Variants in ESRRA observed in about 807,000 individuals in gnomAD.
ESRRA encodes the protein estrogen related receptor alpha.
ESRRA carries 7 observed loss-of-function variants against 35.6 expected under a neutral mutation model. That is an observed-to-expected ratio of 0.20 (90% CI 0.11 to 0.37). The LOEUF is 0.37. ESRRA is among the 10% of genes least tolerant of loss of function. The probability of loss-of-function intolerance (pLI) is 1.00; values close to 1 mark genes in which losing one functional copy is unlikely to be tolerated. For synonymous variants in ESRRA, 223 were observed against 246.9 expected (o/e 0.90, Z 0.91); for missense variants, 378 against 561.7 (o/e 0.67, Z 3.31).
In ESRRA at chr11:64,313,944, C is replaced by T. The variant is rs767217519; in HGVS notation, c.326-7C>T. 1.3e-6 allele frequency: 2 copies of T among 1,559,340 alleles called. No individual in the cohort carries two copies. The highest frequency in any genetic ancestry group is 1.2e-5 in the South Asian group (1 of 85,506). On this transcript the variant is annotated splice_region_variant and splice_polypyrimidine_tract_variant and intron_variant, in intron 2 of 6. Transcript: ENST00000000442. The surrounding 1 kb of genome is among the most constrained non-coding windows in gnomAD (Gnocchi z 4.0). ...GCCGCCACTGGAGCCCTGCCTCTTC[C>T]TGGCAGGGAGCATCGAGTACAGCTG...
Position 64,314,918 on chromosome 11 carries a change from G to C in ESRRA, c.742+7G>C. ...TGGGCCAAGAGCATCCCAGGTAAAG[G>C]GCCCAGGTGACCCGGGGCTGCCCTG... is the stretch of plus-strand genomic sequence containing the variant. On this transcript the variant is annotated splice_region_variant and intron_variant, in intron 5 of 6. Transcript: ENST00000000442. The C allele has an allele frequency of 6.2e-7, 1 of 1,611,528 alleles. No homozygotes were observed. Among genetic ancestry groups the C allele is most frequent in the Non-Finnish European group, 8.5e-7 (1 of 1,179,712 alleles).
intron 2 of ESRRA, among the ~76,000 whole-genome samples, chr11:64,312,601 G>A (rs1013626265): frequency 6.6e-6 from 1 of 152,206 alleles, no homozygotes; most frequent in African/African-American, 2.4e-5. Flanking sequence ...GCCAGGCCTC[G>A]TTGCTAGTGC....
intron 6 of ESRRA, 124 bp from the exon 7 acceptor site, chr11:64,315,583 A>T: frequency 1.5e-6 from 2 of 1,347,102 alleles, no homozygotes; most frequent in Non-Finnish European, 1.0e-6. Flanking sequence ...GGTGCCTCTC[A>T]GTCAGCCAAT....
rs1173430435 is a variant in ESRRA at position 64,316,371 on chromosome 11, C to T, written c.*405C>T. On this transcript the variant is annotated 3_prime_UTR_variant, in exon 7 of 7. Transcript: ENST00000000442. ...ACCCCCTCTTCAAAGCAGAGTGGGA[C>T]TTGGAGAGCAAAGGCCCATGCCCCC... The T allele has an allele frequency of 9.9e-6, 2 of 202,794 alleles. No homozygotes were observed. Among genetic ancestry groups the T allele is most frequent in the South Asian group, 9.3e-5 (1 of 10,760 alleles). 12.6% of individuals were successfully genotyped at this position (202,794 alleles called of 1,614,324 possible). A position where few individuals can be genotyped will look rare whatever the true frequency, so the allele number is the denominator to read the frequency against.
Position 64,316,136 on chromosome 11 carries a change from G to C in ESRRA, c.*170G>C, listed in dbSNP as rs1202777946. Reference sequence around the variant, plus strand: ...CCCACGCCCTCTCCTCCCCCTCCTAGGGGGTGTCAGAAGCTGGGAACGTGT... The same window carrying C: ...CCCACGCCCTCTCCTCCCCCTCCTACGGGGTGTCAGAAGCTGGGAACGTGT... On this transcript the variant is annotated 3_prime_UTR_variant, in exon 7 of 7. Coordinates refer to ENST00000000442, the MANE Select transcript of ESRRA (RefSeq NM_004451.5). 1.3e-6 allele frequency: 1 copy of C among 753,672 alleles called. No individual in the cohort carries two copies. Among genetic ancestry groups the C allele is most frequent in the African/African-American group, 1.8e-5 (1 of 56,544 alleles). The allele number at this position is 753,672 out of a possible 1,614,324, so 46.7% of individuals were successfully genotyped here.
At position 64,313,606 on chromosome 11, in the gene ESRRA, T is replaced by TC. The variant is rs2035182974; in HGVS notation, c.326-343dup. Among the ~76,000 whole-genome samples, 1 of 152,202 alleles carries TC rather than the reference T, an allele frequency of 6.6e-6. No individual in the cohort carries two copies. Among genetic ancestry groups the TC allele is most frequent in the African/African-American group, 2.4e-5 (1 of 41,442 alleles). ...GGAAGTGATCAACAGCCTTAGATCC[T>TC]CCTTTTAGGCCAAGTAACATGAGGA... is the stretch of plus-strand genomic sequence containing the variant. On this transcript the variant is annotated intron_variant, in intron 2 of 6. Coordinates refer to ENST00000000442, the MANE Select transcript of ESRRA (RefSeq NM_004451.5). The surrounding 1 kb of genome is among the most constrained non-coding windows in gnomAD (Gnocchi z 4.0).
chr11:64,311,017 G>A (rs1275502060), intron 2 of ESRRA, among the ~76,000 whole-genome samples: 1 of 152,218 alleles, frequency 6.6e-6, no homozygotes. Flanking sequence ...TGCTGGCTGT[G>A]AATAGGACTT....
rs749114932 is a variant in ESRRA at position 64,307,372 on chromosome 11, G to C, written c.193G>C (p.Gly65Arg). 2 of 1,606,020 alleles carry C rather than the reference G, an allele frequency of 1.2e-6. No homozygotes were observed. Among genetic ancestry groups the C allele is most frequent in the East Asian group, 4.5e-5 (2 of 44,638 alleles). Residue 65 changes from glycine to arginine, a missense_variant, in exon 2 of 7, where the codon GGC (glycine) becomes CGC (arginine). Transcript: ENST00000000442. Reference sequence around the variant, plus strand: ...GGAGGGGGCTGGGCCTGGCGAGCAGGGCGGTGGGAAGCTGGTGCTCAGCTC... The same window carrying C: ...GGAGGGGGCTGGGCCTGGCGAGCAGCGCGGTGGGAAGCTGGTGCTCAGCTC... ...DGEGAGPGEQ[G>R]GGKLVLSSLP...
chr11:64,307,567 A>C (rs1316351166), intron 2 of ESRRA, 63 bp downstream of exon 2: 1 of 1,289,490 alleles, frequency 7.8e-7, no homozygotes, highest in Non-Finnish European at 1.0e-6. Flanking sequence ...TGCTGGGTGC[A>C]ATAGGCCCCC....
rs2135257974 is a variant in ESRRA, at chr11:64,313,387, A to G, written c.326-564A>G. Among the ~76,000 whole-genome samples, 1 of 152,242 alleles carries G rather than the reference A, an allele frequency of 6.6e-6. No individual in the cohort carries two copies. The highest frequency in any genetic ancestry group is 1.9e-4 in the East Asian group (1 of 5,170). On this transcript the variant is annotated intron_variant, in intron 2 of 6. Coordinates refer to ENST00000000442, the MANE Select transcript of ESRRA (RefSeq NM_004451.5). The surrounding 1 kb of genome is among the most constrained non-coding windows in gnomAD (Gnocchi z 4.0). ...CAGCAAGTCCAGGCTAGAGGTAGAAACGTGAGAGCCCCACGGCTGGGGAAG... is the reference window on the plus strand; with the variant it reads ...CAGCAAGTCCAGGCTAGAGGTAGAAGCGTGAGAGCCCCACGGCTGGGGAAG...
intron 1 of ESRRA, among the ~76,000 whole-genome samples, chr11:64,306,072 G>C (rs1173934694): frequency 6.6e-6 from 1 of 152,218 alleles, no homozygotes; most frequent in Non-Finnish European, 1.5e-5. Flanking sequence ...GTGGAAGACG[G>C]GGAGGGCTCT....
Position 64,313,878 on chromosome 11 carries a change from A to C in ESRRA, c.326-73A>C. On this transcript the variant is annotated intron_variant, in intron 2 of 6. Coordinates refer to ENST00000000442, the MANE Select transcript of ESRRA (RefSeq NM_004451.5). The surrounding 1 kb of genome is among the most constrained non-coding windows in gnomAD (Gnocchi z 4.0). The stretch of plus-strand genomic sequence containing the variant: ...GACCTGTGCTTGCCCGGGGAGAGTC[A>C]GGGCTCTCCTGTCAGCTGGGTCCCC... 1.9e-6 allele frequency: 2 copies of C among 1,041,890 alleles called. No individual in the cohort carries two copies. The highest frequency in any genetic ancestry group is 2.8e-6 in the Non-Finnish European group (2 of 707,394). The allele number at this position is 1,041,890 out of a possible 1,614,324, so 64.5% of individuals were successfully genotyped here. A position where few individuals can be genotyped will look rare whatever the true frequency, so the allele number is the denominator to read the frequency against.
At chr11:64,310,796 C>T (rs1299145024) in intron 2 of ESRRA, among the ~76,000 whole-genome samples, 2 of 152,124 alleles carry the variant, frequency 1.3e-5, no homozygotes, top group African/African-American at 2.4e-5. Context: ...GATCTGCCCT[C>T]CTCGGGCTTC....
intron 2 of ESRRA, 79 bp downstream of exon 2, chr11:64,307,583 G>C: frequency 9.0e-7 from 1 of 1,106,076 alleles, no homozygotes; most frequent in Non-Finnish European, 1.2e-6. Context: ...CCCCCTGATG[G>C]CTGTGGCACC....
intron 4 of ESRRA, 101 bp from the exon 5 acceptor site, chr11:64,314,640 T>C: frequency 1.7e-6 from 2 of 1,200,874 alleles, no homozygotes; most frequent in Admixed American, 4.7e-5. Flanking sequence ...GGACAGCTGC[T>C]ACTGAGGAAG....
rs878903153 is a variant in ESRRA, at chr11:64,314,628, C to G, written c.572-113C>G. 12 of 1,116,320 alleles carry G rather than the reference C, an allele frequency of 1.1e-5. No individual in the cohort carries two copies. The South Asian group carries it at 1.8e-4, about 17-fold the overall frequency. The allele number at this position is 1,116,320 out of a possible 1,614,324, so 69.2% of individuals were successfully genotyped here. ...AGCGCTCTTCCCTGGAGGGAAGTCACTGGACAGCTGCTACTGAGGAAGGCC... is the reference window on the plus strand; with the variant it reads ...AGCGCTCTTCCCTGGAGGGAAGTCAGTGGACAGCTGCTACTGAGGAAGGCC... On this transcript the variant is annotated intron_variant, in intron 4 of 6. Transcript: ENST00000000442.
rs1363848076 is a variant in ESRRA, at chr11:64,305,909, G to A, written c.-13+173G>A. Among the ~76,000 whole-genome samples, 3 of 152,078 alleles carry A rather than the reference G, an allele frequency of 2.0e-5. No homozygotes were observed. Among genetic ancestry groups the A allele is most frequent in the Non-Finnish European group, 4.4e-5 (3 of 67,974 alleles). Reference sequence around the variant, plus strand: ...GGGTCGGACTGGTCAGGGTTCAGGCGGGATCCGGCGTCCGAGTCCTGGTGG... The same window carrying A: ...GGGTCGGACTGGTCAGGGTTCAGGCAGGATCCGGCGTCCGAGTCCTGGTGG... On this transcript the variant is annotated intron_variant, in intron 1 of 6. Transcript: ENST00000000442. The surrounding 1 kb of genome is among the most constrained non-coding windows in gnomAD (Gnocchi z 5.8).
chr11:64,309,634 TAAAA>T (rs575246508), intron 2 of ESRRA, among the ~76,000 whole-genome samples: 5 of 124,634 alleles, frequency 4.0e-5, no homozygotes, highest in African/African-American at 1.5e-4. Flanking sequence ...CACGTATAAT[TAAAA>T]AAAAAAAAAA....
intron 2 of ESRRA, among the ~76,000 whole-genome samples, chr11:64,310,035 G>C (rs552944366): frequency 6.6e-6 from 1 of 151,984 alleles, no homozygotes; most frequent in East Asian, 1.9e-4. Flanking sequence ...TAAGGTGTCA[G>C]TACTGTTATA....
Sources: gnomAD v4.1 joint callset for allele counts (sites outside exome capture counted in the v4.1 genomes callset) on GRCh38, gnomAD v4.1.1 for gene constraint, Gnocchi (gnomAD v3.1) non-coding constraint, MANE v1.5 for transcripts, NCBI Gene and HGNC (gene_info 2026-07-23, HGNC 2026-07-21) for gene names.